Variants in ANKRD45 observed in about 807,000 individuals in gnomAD.
ANKRD45 encodes the protein ankyrin repeat domain 45, also known as ankyrin repeat domain-containing protein 45.
ANKRD45 carries 21 observed loss-of-function variants against 28.1 expected under a neutral mutation model. The ratio of observed to expected loss-of-function variants is 0.75; its 90% CI spans 0.53 to 1.08. ANKRD45 has a LOEUF of 1.08. Ranked by LOEUF, ANKRD45 falls within the 50% of genes least tolerant of loss-of-function variation. ANKRD45 has a pLI of 0.00. For missense variants in ANKRD45, 261 were observed against 308.7 expected, an observed-to-expected ratio of 0.85 and a Z score of 1.16; for synonymous variants, 86 against 103.9, an observed-to-expected ratio of 0.83 and a Z score of 1.05.
chr1:173,708,290 T>G, the ANKRD45 span, among the ~76,000 whole-genome samples: 1 of 152,236 alleles, frequency 6.6e-6, no homozygotes, highest in Non-Finnish European at 1.5e-5. Context: ...TATTAAGACA[T>G]ATGGCTTTTG....
chr1:173,625,052 C>A, intron 4 of ANKRD45, 127 bp from the exon 5 acceptor site: 1 of 920,782 alleles, frequency 1.1e-6, no homozygotes, highest in Non-Finnish European at 1.6e-6. Context: ...CCTGCATTGT[C>A]CAATACAGTA....
At chr1:173,647,064 G>A (rs781670039) in intron 2 of ANKRD45, 51 bp from the exon 3 acceptor site, 16 of 1,541,726 alleles carry the variant, frequency 1.0e-5, no homozygotes, top group Admixed American at 1.7e-5. Context: ...ATTGTTTTAG[G>A]CTAATTTATG....
At chr1:173,657,110 CTG>C (rs1198686160) in intron 2 of ANKRD45, among the ~76,000 whole-genome samples, 4 of 149,908 alleles carry the variant, frequency 2.7e-5, no homozygotes, top group African/African-American at 9.8e-5. Flanking sequence ...AGGTTTTTTT[CTG>C]TGTTAATATT....
chr1:173,697,138 C>G, the ANKRD45 span, among the ~76,000 whole-genome samples: 10 of 149,772 alleles, frequency 6.7e-5, no homozygotes, highest in African/African-American at 2.2e-4. Context: ...AAACAATGAA[C>G]AAAGCCTCCA....
chr1:173,653,779 C>T (rs1210744310), intron 2 of ANKRD45, among the ~76,000 whole-genome samples: 1 of 152,076 alleles, frequency 6.6e-6, no homozygotes, highest in African/African-American at 2.4e-5. Context: ...AATCTGGGTG[C>T]TCCTGTATTG....
intron 3 of ANKRD45, among the ~76,000 whole-genome samples, chr1:173,628,569 G>A (rs1668041123): frequency 6.6e-6 from 1 of 152,080 alleles, no homozygotes; most frequent in South Asian, 2.1e-4. Flanking sequence ...GAGAGGAAAA[G>A]TGGGAAGGAC....
At chr1:173,619,275 T>A (rs930286744) in intron 5 of ANKRD45, among the ~76,000 whole-genome samples, 1 of 152,174 alleles carries the variant, frequency 6.6e-6, no homozygotes, top group Non-Finnish European at 1.5e-5. Context: ...CAGGATCAAA[T>A]TCACACATAA....
chr1:173,679,751 A>C, the ANKRD45 span, among the ~76,000 whole-genome samples: 1 of 152,260 alleles, frequency 6.6e-6, no homozygotes, highest in Non-Finnish European at 1.5e-5. Flanking sequence ...CATCAGAGTG[A>C]ACAGGCAACT....
At chr1:173,648,224 C>A (rs1027191971) in intron 2 of ANKRD45, among the ~76,000 whole-genome samples, 10 of 152,126 alleles carry the variant, frequency 6.6e-5, no homozygotes, top group Non-Finnish European at 1.5e-4. Flanking sequence ...AGGCATAAGC[C>A]ACCATGCCCA....
the ANKRD45 span, among the ~76,000 whole-genome samples, chr1:173,698,128 T>C: frequency 6.6e-6 from 1 of 152,178 alleles, no homozygotes; most frequent in Non-Finnish European, 1.5e-5. Context: ...TCTATACATA[T>C]ATATCTGCAC....
At chr1:173,671,790 G>C (rs961632798), upstream of ANKRD45, among the ~76,000 whole-genome samples, 9 of 151,448 alleles carry the variant, frequency 5.9e-5, no homozygotes, top group South Asian at 2.1e-4. Flanking sequence ...GATGAGGCAG[G>C]AGAATCACGT....
At chr1:173,659,976 CA>C (rs1669708746) in intron 1 of ANKRD45, among the ~76,000 whole-genome samples, 1 of 151,934 alleles carries the variant, frequency 6.6e-6, no homozygotes, top group Non-Finnish European at 1.5e-5. Context: ...ATGAAGTGCA[CA>C]AAATAAGTGT....
At chr1:173,672,511 A>G (rs1478072683), upstream of ANKRD45, among the ~76,000 whole-genome samples, 1 of 152,210 alleles carries the variant, frequency 6.6e-6, no homozygotes, top group Non-Finnish European at 1.5e-5. Context: ...CCCAAATAGA[A>G]CTGTTTCTTG....
At chr1:173,645,661 A>C (rs1668884968) in intron 3 of ANKRD45, among the ~76,000 whole-genome samples, 1 of 152,152 alleles carries the variant, frequency 6.6e-6, no homozygotes, top group African/African-American at 2.4e-5. Context: ...CCCTTTTATT[A>C]TTCTACCTAT....
intron 5 of ANKRD45, among the ~76,000 whole-genome samples, chr1:173,621,704 T>C (rs1271120600): frequency 6.6e-6 from 1 of 152,076 alleles, no homozygotes; most frequent in East Asian, 1.9e-4. Flanking sequence ...AATATCATAA[T>C]GAAAGGACAA....
At chr1:173,655,847 G>C (rs1361901649) in intron 2 of ANKRD45, among the ~76,000 whole-genome samples, 2 of 152,332 alleles carry the variant, frequency 1.3e-5, no homozygotes, top group East Asian at 1.9e-4. Context: ...CTGCCTCACA[G>C]GTCAATCTCA....
the ANKRD45 span, among the ~76,000 whole-genome samples, chr1:173,694,037 G>A: frequency 2.0e-5 from 3 of 152,334 alleles, no homozygotes; most frequent in African/African-American, 2.4e-5. Flanking sequence ...TATGGTTGGA[G>A]CGGGAAAGGA....
the ANKRD45 span, among the ~76,000 whole-genome samples, chr1:173,694,897 TAGGAA>T: frequency 6.6e-6 from 1 of 152,166 alleles, no homozygotes; most frequent in Non-Finnish European, 1.5e-5. Flanking sequence ...TTATTTTTAT[TAGGAA>T]ATTTTTCAAT....
At chr1:173,705,096 C>T in the ANKRD45 span, among the ~76,000 whole-genome samples, 1 of 152,160 alleles carries the variant, frequency 6.6e-6, no homozygotes, top group East Asian at 1.9e-4. Context: ...AAGTGCCTCC[C>T]AAAAAGGACT....
Sources: gnomAD v4.1 joint callset for allele counts (sites outside exome capture counted in the v4.1 genomes callset) on GRCh38, gnomAD v4.1.1 for gene constraint, MANE v1.5 for transcripts, NCBI Gene and HGNC (gene_info 2026-07-23, HGNC 2026-07-21) for gene names.